Variants in WDR72 observed in about 807,000 individuals in gnomAD.
The protein encoded by WDR72 is WD repeat domain 72, also known as WD repeat-containing protein 72.
Under a neutral mutation model 124.2 loss-of-function variants are expected in WDR72, and 120 were observed. The ratio of observed to expected loss-of-function variants is 0.97; its 90% CI spans 0.83 to 1.12. The LOEUF (loss-of-function observed/expected upper bound fraction) is 1.12, where lower values mean the gene tolerates loss of function less well. Among genes scored for constraint, WDR72 ranks in the 50% most tolerant of loss-of-function variants. The pLI is 0.00. For synonymous variants in WDR72, 452 were observed against 441.7 expected, an observed-to-expected ratio of 1.02 and a Z score of -0.29; for missense variants, 1,387 against 1,278.8, an observed-to-expected ratio of 1.08 and a Z score of -1.29.
intron 18 of WDR72, among the ~76,000 whole-genome samples, chr15:53,535,788 C>T (rs765914423): frequency 2.6e-5 from 4 of 152,144 alleles, no homozygotes; most frequent in Admixed American, 2.0e-4. Context: ...TCATTTTGTA[C>T]AGCAGAATCT....
intron 13 of WDR72, among the ~76,000 whole-genome samples, chr15:53,681,363 T>A (rs1323255419): frequency 1.3e-5 from 2 of 152,132 alleles, no homozygotes; most frequent in Non-Finnish European, 2.9e-5. Context: ...AAGTGTCATA[T>A]AAAATGCTTG....
intron 2 of WDR72, among the ~76,000 whole-genome samples, chr15:53,731,783 T>G (rs963321156): frequency 1.3e-5 from 2 of 152,060 alleles, no homozygotes; most frequent in African/African-American, 4.8e-5. Flanking sequence ...TCATTCACAT[T>G]TGAATTTACA....
rs1303784201 is a variant in WDR72, at chr15:53,705,078, T to C, written c.1258A>G (p.Ile420Val). The change falls in exon 11 of 20, where the codon ATA becomes GTA. Residue 420 changes from isoleucine to valine, a missense_variant. Ile to Val is a conservative substitution (Grantham distance 29). Coordinates refer to ENST00000360509, the MANE Select transcript of WDR72 (RefSeq NM_182758.4). ...ATTGTCCCATCTTCACAGCCACATA[T>C]TAGTTTATCAAGACTTGGAATATAC... ...SEYIPSLDKLICGCEDGTIII... is the reference protein window; with the variant it reads ...SEYIPSLDKLVCGCEDGTIII... 5 of 1,614,118 alleles carry C rather than the reference T, an allele frequency of 3.1e-6. No individual in the cohort carries two copies. Among genetic ancestry groups the C allele is most frequent in the Non-Finnish European group, 3.4e-6 (4 of 1,180,012 alleles).
In WDR72 at chr15:53,684,872, C is replaced by G. The variant is rs200630428; in HGVS notation, c.1765+14878G>C. ...TACGCAGCTGGAGATCTGAGAAGGG[C>G]CAGACTGCCTCCTCAAGTGGGTGCC... On this transcript the variant is annotated intron_variant, in intron 13 of 19. Transcript: ENST00000360509. 4.4e-3 allele frequency among the ~76,000 whole-genome samples: 672 copies of G among 152,122 alleles called. 4 individuals carry two copies. The highest frequency in any genetic ancestry group is 0.01 in the Middle Eastern group (3 of 294).
chr15:53,529,474 C>A (rs1892330596), intron 18 of WDR72, among the ~76,000 whole-genome samples: 1 of 151,808 alleles, frequency 6.6e-6, no homozygotes, highest in Non-Finnish European at 1.5e-5. Flanking sequence ...ACTGAGTATA[C>A]AATTGAACAG....
At chr15:53,543,363 T>G (rs1451548933) in intron 18 of WDR72, among the ~76,000 whole-genome samples, 2 of 151,962 alleles carry the variant, frequency 1.3e-5, no homozygotes, top group African/African-American at 4.8e-5. Context: ...CTCAACTACA[T>G]GGAAACTGAA....
intron 2 of WDR72, among the ~76,000 whole-genome samples, chr15:53,730,722 T>A (rs908621172): frequency 2.6e-5 from 4 of 152,096 alleles, no homozygotes; most frequent in African/African-American, 9.7e-5. Context: ...TTTTTTACAG[T>A]CTCTTCTGTC....
chr15:53,661,328 T>C (rs1595827788), intron 14 of WDR72, among the ~76,000 whole-genome samples: 1 of 152,062 alleles, frequency 6.6e-6, no homozygotes. Context: ...TGGCAGAAGG[T>C]GAACCAGAGC....
In WDR72 at chr15:53,600,207, ATT is replaced by A. The variant is rs577383252; in HGVS notation, c.2953-2935_2953-2934del. Among the ~76,000 whole-genome samples the A allele has an allele frequency of 7.5e-4, 114 of 152,330 alleles. 2 individuals carry two copies. Among genetic ancestry groups the A allele is most frequent in the African/African-American group, 2.7e-3 (112 of 41,586 alleles). On this transcript the variant is annotated intron_variant, in intron 17 of 19. Coordinates refer to ENST00000360509, the MANE Select transcript of WDR72 (RefSeq NM_182758.4). Reference sequence around the variant, plus strand: ...TCAAAAATAAACTGTGGGAAGTATAATTTATTGACAGTTTATAACTATCAGTA... The same window carrying A: ...TCAAAAATAAACTGTGGGAAGTATAATATTGACAGTTTATAACTATCAGTA...
chr15:53,737,495 G>A (rs571383670), intron 1 of WDR72, among the ~76,000 whole-genome samples: 98 of 152,206 alleles, frequency 6.4e-4, no homozygotes, highest in African/African-American at 2.1e-3. Context: ...CAGGCAAATA[G>A]TAATAAAAGA....
intron 14 of WDR72, among the ~76,000 whole-genome samples, chr15:53,644,181 C>G (rs62005953): frequency 0.027 from 4,148 of 152,038 alleles, 75 homozygotes; most frequent in Non-Finnish European, 0.043. Context: ...CAAACAAACG[C>G]AAACCAAAAA....
chr15:53,571,811 A>G (rs1010131294), intron 18 of WDR72, among the ~76,000 whole-genome samples: 13 of 150,598 alleles, frequency 8.6e-5, no homozygotes, highest in African/African-American at 2.7e-4. Context: ...GCTTTCCATA[A>G]TGGTTGTACT....
At chr15:53,520,230 A>G (rs540272073) in intron 19 of WDR72, among the ~76,000 whole-genome samples, 1 of 152,238 alleles carries the variant, frequency 6.6e-6, no homozygotes, top group South Asian at 2.1e-4. Context: ...CTGTGTTTGC[A>G]TGGAAAATAC....
intron 14 of WDR72, among the ~76,000 whole-genome samples, chr15:53,618,051 T>C (rs559338989): frequency 5.9e-5 from 9 of 152,112 alleles, no homozygotes; most frequent in East Asian, 1.9e-4. Context: ...ATACGTGTTA[T>C]ACATTTCATG....
chr15:53,548,866 G>A (rs1056300864), intron 18 of WDR72, among the ~76,000 whole-genome samples: 1 of 152,098 alleles, frequency 6.6e-6, no homozygotes, highest in African/African-American at 2.4e-5. Flanking sequence ...AGCATAGACA[G>A]CAATGCAAAC....
chr15:53,552,173 T>C (rs1284400258), intron 18 of WDR72, among the ~76,000 whole-genome samples: 1 of 152,068 alleles, frequency 6.6e-6, no homozygotes, highest in Non-Finnish European at 1.5e-5. Flanking sequence ...TACTAGTATG[T>C]ATAAATACTC....
At chr15:53,661,067 A>C (rs1350082000) in intron 14 of WDR72, among the ~76,000 whole-genome samples, 1 of 152,126 alleles carries the variant, frequency 6.6e-6, no homozygotes, top group Non-Finnish European at 1.5e-5. Flanking sequence ...GAATACAACC[A>C]CCCTTGTTGA....
chr15:53,521,792 T>G lies in WDR72; in HGVS notation c.3253+1426A>C, dbSNP rs913419394. ...TCTGACAAAATGAGTAATAGAAAAC[T>G]GTATTAAGACACTTTTAAAACCTAA... is the stretch of plus-strand genomic sequence containing the variant. On this transcript the variant is annotated intron_variant, in intron 19 of 19. Coordinates refer to ENST00000360509, the MANE Select transcript of WDR72 (RefSeq NM_182758.4). 5.3e-5 allele frequency among the ~76,000 whole-genome samples: 8 copies of G among 152,044 alleles called. 1 individual carries two copies. The highest frequency in any genetic ancestry group is 2.6e-4 in the Admixed American group (4 of 15,236).
intron 14 of WDR72, among the ~76,000 whole-genome samples, chr15:53,650,183 T>A (rs1364284825): frequency 3.3e-5 from 5 of 152,110 alleles, no homozygotes; most frequent in Non-Finnish European, 7.4e-5. Context: ...AAATAAGCAG[T>A]CACAGAAAGA....
Sources: allele counts gnomAD v4.1 joint callset (sites outside exome capture counted in the v4.1 genomes callset), GRCh38; gene constraint gnomAD v4.1.1; transcripts MANE v1.5; gene names NCBI Gene and HGNC (gene_info 2026-07-23, HGNC 2026-07-21).